LRRC4C: variants seen among roughly 807,000 people sequenced by gnomAD.
The protein encoded by LRRC4C is leucine-rich repeat-containing protein 4C.
A neutral mutation model predicts 33.6 loss-of-function variants in LRRC4C; 5 were observed. That is an observed-to-expected ratio of 0.15 (90% CI 0.08 to 0.31). The LOEUF (loss-of-function observed/expected upper bound fraction) is 0.31. Among genes scored for constraint, LRRC4C ranks in the 10% least tolerant of loss-of-function variants. LRRC4C has a pLI of 1.00. For missense variants in LRRC4C, 560 were observed against 796.7 expected, an observed-to-expected ratio of 0.70 and a Z score of 3.58; for synonymous variants, 329 against 302.0, an observed-to-expected ratio of 1.09 and a Z score of -0.93.
intron 1 of LRRC4C, among the ~76,000 whole-genome samples, chr11:41,359,173 G>A (rs1952261040): frequency 6.6e-6 from 1 of 151,924 alleles, no homozygotes; most frequent in African/African-American, 2.4e-5. Flanking sequence ...AAAATAAATT[G>A]TTGCCAGGAA....
chr11:41,428,398 A>C (rs1955116902), intron 1 of LRRC4C, among the ~76,000 whole-genome samples: 2 of 152,154 alleles, frequency 1.3e-5, no homozygotes, highest in African/African-American at 4.8e-5. Context: ...TACTGCATTT[A>C]AGTATGTTCA....
chr11:40,790,748 C>T (rs1048182119), intron 2 of LRRC4C, among the ~76,000 whole-genome samples: 9 of 152,172 alleles, frequency 5.9e-5, no homozygotes, highest in African/African-American at 1.9e-4. Context: ...TAAATAGTCC[C>T]TGTTGGGAAA....
intron 2 of LRRC4C, among the ~76,000 whole-genome samples, chr11:40,867,407 T>C (rs950256909): frequency 6.6e-6 from 1 of 152,220 alleles, no homozygotes; most frequent in African/African-American, 2.4e-5. Context: ...TAATACTGTC[T>C]CTGGAAGTGA....
At chr11:40,848,345 G>A (rs930088439) in intron 2 of LRRC4C, among the ~76,000 whole-genome samples, 1 of 152,208 alleles carries the variant, frequency 6.6e-6, no homozygotes, top group East Asian at 1.9e-4. Flanking sequence ...CTAGTAGGTT[G>A]TGTCTTTATT....
intron 1 of LRRC4C, among the ~76,000 whole-genome samples, chr11:41,104,941 T>C (rs964714848): frequency 1.7e-4 from 26 of 151,924 alleles, no homozygotes; most frequent in South Asian, 2.1e-4. Flanking sequence ...GAGATGGGGA[T>C]TGGCAGTGAC....
chr11:40,650,166 C>A (rs887271027), intron 2 of LRRC4C, among the ~76,000 whole-genome samples: 1 of 152,012 alleles, frequency 6.6e-6, no homozygotes, highest in Non-Finnish European at 1.5e-5. Flanking sequence ...AACACCTTAA[C>A]GAGTATTAAA....
At chr11:41,446,845 G>C (rs1402629835) in intron 1 of LRRC4C, among the ~76,000 whole-genome samples, 1 of 152,128 alleles carries the variant, frequency 6.6e-6, no homozygotes, top group African/African-American at 2.4e-5. Flanking sequence ...CAAGGAGACT[G>C]TGGTTCATTG....
At chr11:40,623,273 TA>T (rs935622285) in intron 3 of LRRC4C, among the ~76,000 whole-genome samples, 1 of 151,890 alleles carries the variant, frequency 6.6e-6, no homozygotes, top group Non-Finnish European at 1.5e-5. Flanking sequence ...AAACCTTTTT[TA>T]AAAAAATTAC....
At chr11:40,752,251 T>C (rs540013152) in intron 2 of LRRC4C, among the ~76,000 whole-genome samples, 1 of 152,006 alleles carries the variant, frequency 6.6e-6, no homozygotes, top group Admixed American at 6.6e-5. Context: ...AATAGACAAA[T>C]GGGATTCTGT....
chr11:40,601,750 A>T (rs528197034), intron 3 of LRRC4C, among the ~76,000 whole-genome samples: 9 of 152,304 alleles, frequency 5.9e-5, no homozygotes, highest in South Asian at 4.1e-4. Context: ...TTGATAATTC[A>T]TGCTGATATT....
At chr11:41,208,525 C>T (rs1946690840) in intron 1 of LRRC4C, among the ~76,000 whole-genome samples, 1 of 152,144 alleles carries the variant, frequency 6.6e-6, no homozygotes, top group Non-Finnish European at 1.5e-5. Context: ...AATCAGCTGT[C>T]TTAACTGAAG....
intron 3 of LRRC4C, among the ~76,000 whole-genome samples, chr11:40,612,012 A>G (rs1961274385): frequency 6.6e-6 from 1 of 151,818 alleles, no homozygotes. Context: ...TAAAACGACC[A>G]TATGACCCCA....
intron 3 of LRRC4C, among the ~76,000 whole-genome samples, chr11:40,378,599 T>C (rs1056820683): frequency 6.6e-6 from 1 of 152,072 alleles, no homozygotes; most frequent in Non-Finnish European, 1.5e-5. Context: ...ACAGATTGGA[T>C]AGCTTTGTGG....
At chr11:40,864,976 A>G (rs1158438754) in intron 2 of LRRC4C, among the ~76,000 whole-genome samples, 1 of 152,132 alleles carries the variant, frequency 6.6e-6, no homozygotes, top group Non-Finnish European at 1.5e-5. Context: ...CCATAACAAA[A>G]AGCCACATTT....
intron 2 of LRRC4C, among the ~76,000 whole-genome samples, chr11:40,906,033 A>C (rs1592051503): frequency 1.3e-5 from 2 of 152,202 alleles, no homozygotes; most frequent in Admixed American, 1.3e-4. Flanking sequence ...AGAAATTGCC[A>C]CAGCCACTCC....
intron 1 of LRRC4C, among the ~76,000 whole-genome samples, chr11:40,953,662 A>C (rs1289921900): frequency 6.6e-6 from 1 of 151,750 alleles, no homozygotes; most frequent in Non-Finnish European, 1.5e-5. Flanking sequence ...CATCAAAAAT[A>C]CCCATTGACC....
At chr11:40,417,109 T>C (rs147777605) in intron 3 of LRRC4C, among the ~76,000 whole-genome samples, 21 of 152,324 alleles carry the variant, frequency 1.4e-4, no homozygotes, top group African/African-American at 4.8e-4. Flanking sequence ...AGGCAAGAGA[T>C]AGACTTTGTT....
At chr11:41,189,402 G>A (rs1260602341) in intron 1 of LRRC4C, among the ~76,000 whole-genome samples, 1 of 152,092 alleles carries the variant, frequency 6.6e-6, no homozygotes, top group Non-Finnish European at 1.5e-5. Flanking sequence ...TGATCCAAGA[G>A]AAGGGCAATG....
chr11:40,766,295 A>G (rs1949452602), intron 2 of LRRC4C, among the ~76,000 whole-genome samples: 1 of 134,194 alleles, frequency 7.5e-6, no homozygotes, highest in African/African-American at 2.7e-5. Flanking sequence ...AACTTTAGGG[A>G]TTTCATTAAT....
Sources: allele counts gnomAD v4.1 joint callset (sites outside exome capture counted in the v4.1 genomes callset), GRCh38; gene constraint gnomAD v4.1.1; transcripts MANE v1.5; gene names NCBI Gene and HGNC (gene_info 2026-07-23, HGNC 2026-07-21).